The following TAFA2 variants were observed in gnomAD, a reference collection of about 807,000 sequenced individuals.
TAFA2 encodes chemokine-like protein TAFA-2.
A neutral mutation model predicts 18.8 loss-of-function variants in TAFA2; 7 were observed. The observed-to-expected ratio is 0.37, with a 90% CI of 0.21 to 0.70. The LOEUF (loss-of-function observed/expected upper bound fraction) is 0.70. Ranked by LOEUF, TAFA2 falls within the 30% of genes least tolerant of loss-of-function variation. The probability of loss-of-function intolerance (pLI) is 0.53; values close to 1 mark genes in which losing one functional copy is unlikely to be tolerated. For synonymous variants in TAFA2, 60 were observed against 54.2 expected (o/e 1.11, Z -0.47); for missense variants, 122 against 158.1 (o/e 0.77, Z 1.23).
At chr12:61,961,264 A>G (rs1374708117) in intron 1 of TAFA2, among the ~76,000 whole-genome samples, 3 of 151,828 alleles carry the variant, frequency 2.0e-5, no homozygotes, top group Non-Finnish European at 4.4e-5. Context: ...CCCCTACCCA[A>G]CCGCTACTCC....
intron 1 of TAFA2, among the ~76,000 whole-genome samples, chr12:61,906,551 G>T (rs1470266133): frequency 6.6e-6 from 1 of 152,084 alleles, no homozygotes; most frequent in Non-Finnish European, 1.5e-5. Flanking sequence ...AACAATATGA[G>T]AACAGACTAA....
intron 1 of TAFA2, chr12:62,070,675 A>T (rs1188589523): frequency 1.3e-5 from 2 of 152,214 alleles, no homozygotes; most frequent in African/African-American, 4.8e-5. Context: ...TTTCCACAGA[A>T]AAGCCTCCTA....
chr12:62,140,620 G>A (rs2062233533), intron 1 of TAFA2, among the ~76,000 whole-genome samples: 1 of 152,072 alleles, frequency 6.6e-6, no homozygotes, highest in South Asian at 2.1e-4. Flanking sequence ...TATCTCATAG[G>A]CAGAACTCTG....
At chr12:62,084,933 G>A (rs1868391492) in intron 1 of TAFA2, among the ~76,000 whole-genome samples, 1 of 152,192 alleles carries the variant, frequency 6.6e-6, no homozygotes, top group African/African-American at 2.4e-5. Context: ...ACAGGGTTTT[G>A]GGATCATAAT....
chr12:62,227,371 C>T lies in TAFA2; in HGVS notation c.-130+31392G>A, dbSNP rs2062791508. Among the ~76,000 whole-genome samples, 2 of 152,212 alleles carry T rather than the reference C, an allele frequency of 1.3e-5. 1 individual carries two copies. Among genetic ancestry groups the T allele is most frequent in the South Asian group, 4.1e-4 (2 of 4,834 alleles). On this transcript the variant is annotated intron_variant, in intron 1 of 5. Transcript: ENST00000551619. ...GTTACATATGCATACACTAAAGTGT[C>T]TGGCTGATGGGACAAGCAGGGGCAG... is the stretch of plus-strand genomic sequence containing the variant.
At chr12:62,146,924 G>A (rs1299232383) in intron 1 of TAFA2, among the ~76,000 whole-genome samples, 1 of 151,888 alleles carries the variant, frequency 6.6e-6, no homozygotes, top group African/African-American at 2.4e-5. Context: ...TAAAGTTTGG[G>A]TCCTTTATTA....
chr12:61,954,327 C>G (rs1051914398), intron 1 of TAFA2, among the ~76,000 whole-genome samples: 1 of 152,130 alleles, frequency 6.6e-6, no homozygotes, highest in Non-Finnish European at 1.5e-5. Context: ...ATAATAAAAG[C>G]ACGGTGTTTT....
At chr12:61,791,953 T>G (rs1870999435) in intron 2 of TAFA2, among the ~76,000 whole-genome samples, 1 of 151,692 alleles carries the variant, frequency 6.6e-6, no homozygotes, top group African/African-American at 2.4e-5. Context: ...ATATCCAAGA[T>G]ATGAAATCAA....
intron 1 of TAFA2, among the ~76,000 whole-genome samples, chr12:62,165,925 T>TCTCTCTCTCTCTCTTC (rs2062435543): frequency 8.5e-6 from 1 of 117,158 alleles, no homozygotes; most frequent in Admixed American, 9.2e-5. Context: ...TCTTCCTCTC[T>TCTCTCTCTCTCTCTTC]CTCTCTCTCT....
chr12:62,083,723 A>T (rs1030254848), intron 1 of TAFA2, among the ~76,000 whole-genome samples: 1 of 149,926 alleles, frequency 6.7e-6, no homozygotes, highest in Non-Finnish European at 1.5e-5. Context: ...TTTTAAATAT[A>T]TTTTTTTTTG....
chr12:61,835,869 T>C (rs1165102526), intron 2 of TAFA2, among the ~76,000 whole-genome samples: 1 of 151,876 alleles, frequency 6.6e-6, no homozygotes, highest in Non-Finnish European at 1.5e-5. Context: ...ACCCTGGAAA[T>C]ACAGCCATGG....
intron 1 of TAFA2, among the ~76,000 whole-genome samples, chr12:61,975,528 T>TGTGTGTGTGTGTGC (rs1879401108): frequency 6.6e-6 from 1 of 151,274 alleles, no homozygotes; most frequent in South Asian, 2.1e-4. Flanking sequence ...TGTGTGTGTG[T>TGTGTGTGTGTGTGC]GTGTGTGTGT....
intron 1 of TAFA2, among the ~76,000 whole-genome samples, chr12:61,976,700 C>A (rs1362468477): frequency 6.6e-6 from 1 of 151,858 alleles, no homozygotes; most frequent in Non-Finnish European, 1.5e-5. Flanking sequence ...CACGACAGAC[C>A]CTGGTGTGTG....
chr12:61,781,090 T>G (rs1870483681), intron 2 of TAFA2, among the ~76,000 whole-genome samples: 1 of 151,668 alleles, frequency 6.6e-6, no homozygotes, highest in South Asian at 2.1e-4. Flanking sequence ...TCTCCTACAA[T>G]CAGAGATAAA....
chr12:62,082,717 C>T (rs1868342506), intron 1 of TAFA2, among the ~76,000 whole-genome samples: 1 of 152,162 alleles, frequency 6.6e-6, no homozygotes, highest in South Asian at 2.1e-4. Context: ...GCAAAGGAAA[C>T]AGTAATTACA....
intron 2 of TAFA2, among the ~76,000 whole-genome samples, chr12:61,771,812 C>T (rs548580078): frequency 1.3e-5 from 2 of 151,004 alleles, no homozygotes; most frequent in African/African-American, 2.4e-5. Flanking sequence ...TAAGGTCACA[C>T]CTCAAGGAAC....
chr12:62,154,956 C>T (rs147307350), intron 1 of TAFA2, among the ~76,000 whole-genome samples: 1,839 of 152,224 alleles, frequency 0.012, 123 homozygotes, highest in Admixed American at 0.097. Flanking sequence ...AGCAATCAGA[C>T]AAGAGAAAGA....
At chr12:62,017,006 A>G (rs1880960194) in intron 1 of TAFA2, among the ~76,000 whole-genome samples, 2 of 152,102 alleles carry the variant, frequency 1.3e-5, no homozygotes, top group Non-Finnish European at 2.9e-5. Context: ...GTATGATCTT[A>G]ATGATAATAC....
chr12:61,900,603 G>A (rs117731431), intron 1 of TAFA2, among the ~76,000 whole-genome samples: 2,209 of 152,228 alleles, frequency 0.015, 25 homozygotes, highest in East Asian at 0.047. Context: ...AGGGGGAAAG[G>A]CCCCATATAA....
Sources: allele counts gnomAD v4.1 joint callset (sites outside exome capture counted in the v4.1 genomes callset), GRCh38; gene constraint gnomAD v4.1.1; transcripts MANE v1.5; gene names NCBI Gene and HGNC (gene_info 2026-07-23, HGNC 2026-07-21).